The following KDELR2 variants were observed in gnomAD, a reference collection of about 807,000 sequenced individuals.
KDELR2 encodes KDEL endoplasmic reticulum protein retention receptor 2.
In KDELR2, 15 loss-of-function variants were observed where a neutral mutation model predicts 23.9. That is an observed-to-expected ratio of 0.63 (90% CI 0.42 to 0.97). The LOEUF is 0.97. Ranked by LOEUF, KDELR2 falls within the 50% of genes least tolerant of loss-of-function variation. The pLI is 0.00. For synonymous variants in KDELR2, 119 were observed against 106.2 expected (o/e 1.12, Z -0.74); for missense variants, 272 against 254.6 (o/e 1.07, Z -0.46).
intron 1 of KDELR2, among the ~76,000 whole-genome samples, chr7:6,474,858 G>T (rs1218747919): frequency 6.6e-6 from 1 of 152,110 alleles, no homozygotes; most frequent in South Asian, 2.1e-4. Context: ...TGTTCACCAT[G>T]TTGCCCACAC....
chr7:6,464,354 A>G (rs1362187368), intron 4 of KDELR2, among the ~76,000 whole-genome samples: 2 of 151,536 alleles, frequency 1.3e-5, no homozygotes, highest in Admixed American at 1.3e-4. Context: ...CCCCGTCTCT[A>G]TTAAAAATAC....
intron 3 of KDELR2, among the ~76,000 whole-genome samples, chr7:6,469,155 T>C (rs1785569472): frequency 6.6e-6 from 1 of 151,088 alleles, no homozygotes; most frequent in Non-Finnish European, 1.5e-5. Context: ...GGTTTCACCA[T>C]GTTAGCCAGT....
intron 4 of KDELR2, among the ~76,000 whole-genome samples, chr7:6,463,430 C>CT (rs1428153439): frequency 6.6e-6 from 1 of 152,074 alleles, no homozygotes; most frequent in Non-Finnish European, 1.5e-5. Context: ...CTATGAAATT[C>CT]TGGGTACTAT....
chr7:6,466,353 G>A (rs756776062), intron 3 of KDELR2, 30 bp from the exon 4 acceptor site: 84 of 1,607,142 alleles, frequency 5.2e-5, no homozygotes, highest in Middle Eastern at 4.2e-4. Flanking sequence ...CTTCCATCAC[G>A]ACCCACTGCC....
At chr7:6,468,982 T>C (rs1185590026) in intron 3 of KDELR2, among the ~76,000 whole-genome samples, 2 of 150,728 alleles carry the variant, frequency 1.3e-5, no homozygotes, top group Non-Finnish European at 3.0e-5. Context: ...GACGGAGTCT[T>C]ACTCTCTCGC....
chr7:6,472,845 G>A (rs1562500779), intron 2 of KDELR2, among the ~76,000 whole-genome samples: 1 of 151,082 alleles, frequency 6.6e-6, no homozygotes, highest in Non-Finnish European at 1.5e-5. Context: ...GTAGAAAGAA[G>A]GAAAGAAAGA....
chr7:6,474,152 T>C (rs1785707760), intron 2 of KDELR2, 32 bp downstream of exon 2: 1 of 1,339,512 alleles, frequency 7.5e-7, no homozygotes, highest in Non-Finnish European at 1.1e-6. Context: ...GCACTGTAGA[T>C]GAAATACATT....
chr7:6,463,755 A>T (rs944325852), intron 4 of KDELR2, among the ~76,000 whole-genome samples: 1 of 146,620 alleles, frequency 6.8e-6, no homozygotes, highest in African/African-American at 2.5e-5. Flanking sequence ...TAAAAAGATA[A>T]AAAAAAAAAA....
In KDELR2 at chr7:6,470,014, C is replaced by T. The variant is rs1785594649; in HGVS notation, c.193-260G>A. ...CATGCTGCCGCTTCGCAGTCAAACT[C>T]CCCCAGGCTTCCTTCACCTCCTGCA... On this transcript the variant is annotated intron_variant, in intron 2 of 4. Coordinates refer to ENST00000258739, the MANE Select transcript of KDELR2 (RefSeq NM_006854.4). The T allele has an allele frequency of 3.0e-5, 9 of 301,570 alleles. No homozygotes were observed. In the South Asian group the frequency reaches 5.7e-4, roughly 19 times the overall value. The allele number at this position is 301,570 out of a possible 1,614,324, so 18.7% of individuals were successfully genotyped here. A position where few individuals can be genotyped will look rare whatever the true frequency, so the allele number is the denominator to read the frequency against.
At chr7:6,477,624 C>T (rs1785782645) in intron 1 of KDELR2, among the ~76,000 whole-genome samples, 1 of 152,184 alleles carries the variant, frequency 6.6e-6, no homozygotes. Flanking sequence ...CAACATCATT[C>T]TTGTCTTATC....
Position 6,484,041 on chromosome 7 carries a change from A to G in KDELR2, c.17T>C (p.Leu6Pro). The change falls in exon 1 of 5, where the codon CTG becomes CCG. Residue 6 changes from leucine to proline, a missense_variant. By Grantham distance (98) the Leu-to-Pro change is moderately conservative (BLOSUM62 -3). Coordinates refer to ENST00000258739, the MANE Select transcript of KDELR2 (RefSeq NM_006854.4). Reference protein sequence around the residue: MNIFRLTGDLSHLAAI... With the variant: MNIFRPTGDLSHLAAI... ...CGCCAGGTGGGACAGGTCCCCAGTC[A>G]GCCGGAAAATGTTCATGGCGGCGGC... The G allele has an allele frequency of 6.6e-7, 1 of 1,520,442 alleles. No individual in the cohort carries two copies. The highest frequency in any genetic ancestry group is 8.8e-7 in the Non-Finnish European group (1 of 1,131,250). 94.2% of individuals were successfully genotyped at this position (1,520,442 alleles called of 1,614,324 possible).
intron 2 of KDELR2, 138 bp from the exon 3 acceptor site, chr7:6,469,892 T>C: frequency 5.7e-6 from 4 of 698,666 alleles, no homozygotes; most frequent in Non-Finnish European, 6.8e-6. Context: ...AAAACTTAAA[T>C]ATAGTAAAAT....
At chr7:6,480,129 G>A (rs1785857812) in intron 1 of KDELR2, among the ~76,000 whole-genome samples, 1 of 152,184 alleles carries the variant, frequency 6.6e-6, no homozygotes, top group African/African-American at 2.4e-5. Flanking sequence ...GACTAGAGGG[G>A]GAAGGCCCGG....
chr7:6,468,600 G>A (rs1246404120), intron 3 of KDELR2, among the ~76,000 whole-genome samples: 1 of 152,186 alleles, frequency 6.6e-6, no homozygotes, highest in African/African-American at 2.4e-5. Flanking sequence ...CCGCCTCCCA[G>A]GTTCACGCCA....
intron 1 of KDELR2, among the ~76,000 whole-genome samples, chr7:6,476,446 C>G (rs1785754258): frequency 6.6e-6 from 1 of 152,222 alleles, no homozygotes. Flanking sequence ...AGGGAGCAGT[C>G]AGACCATACC....
Position 6,462,908 on chromosome 7 carries a change from T to C in KDELR2, c.*233A>G, listed in dbSNP as rs1156968054. The C allele has an allele frequency of 1.4e-6, 2 of 1,399,436 alleles. No individual in the cohort carries two copies. The highest frequency in any genetic ancestry group is 2.4e-5 in the East Asian group (1 of 41,630). The allele number at this position is 1,399,436 out of a possible 1,614,324, so 86.7% of individuals were successfully genotyped here. On this transcript the variant is annotated 3_prime_UTR_variant, in exon 5 of 5. Transcript: ENST00000258739. ...CTGAATTTATTAATACAGCATTAAG[T>C]TTCTTTGTGTAAAAAAATCTTTGTA...
chr7:6,465,647 G>C (rs867172255), intron 4 of KDELR2, among the ~76,000 whole-genome samples: 1 of 152,120 alleles, frequency 6.6e-6, no homozygotes, highest in Non-Finnish European at 1.5e-5. Context: ...CCCATGAATG[G>C]GGGCTGGGTA....
intron 1 of KDELR2, among the ~76,000 whole-genome samples, chr7:6,481,104 C>G (rs1452600381): frequency 6.6e-6 from 1 of 152,238 alleles, no homozygotes; most frequent in Non-Finnish European, 1.5e-5. Flanking sequence ...GGCGCAGTGG[C>G]TTACGCCTGT....
At chr7:6,483,500 G>C (rs1785954632) in intron 1 of KDELR2, among the ~76,000 whole-genome samples, 1 of 152,164 alleles carries the variant, frequency 6.6e-6, no homozygotes, top group African/African-American at 2.4e-5. Context: ...CTCCCGAGCT[G>C]GCTGGGCTGC....
Sources: gnomAD v4.1 joint callset for allele counts (sites outside exome capture counted in the v4.1 genomes callset) on GRCh38, gnomAD v4.1.1 for gene constraint, MANE v1.5 for transcripts, NCBI Gene and HGNC (gene_info 2026-07-23, HGNC 2026-07-21) for gene names.